MNAT1: variants seen among roughly 807,000 people sequenced by gnomAD.
The protein encoded by MNAT1 is MNAT1 component of CDK activating kinase.
In MNAT1, 43 loss-of-function variants were observed where a neutral mutation model predicts 42.0. The observed-to-expected ratio is 1.02, with a 90% confidence interval of 0.80 to 1.32. The LOEUF (loss-of-function observed/expected upper bound fraction) is 1.32. Ranked by LOEUF, MNAT1 falls within the 40% of genes most tolerant of loss-of-function variation. The probability of loss-of-function intolerance (pLI) is 0.00; values close to 1 mark genes in which losing one functional copy is unlikely to be tolerated. For missense variants in MNAT1, 306 were observed against 350.4 expected, an observed-to-expected ratio of 0.87 and a Z score of 1.01; for synonymous variants, 118 against 120.0, an observed-to-expected ratio of 0.98 and a Z score of 0.11.
At chr14:60,847,922 TA>T (rs991557153) in intron 6 of MNAT1, among the ~76,000 whole-genome samples, 6 of 152,084 alleles carry the variant, frequency 3.9e-5, no homozygotes, top group African/African-American at 7.2e-5. Context: ...CATACAGTTT[TA>T]CAGGTTTTTT....
intron 6 of MNAT1, among the ~76,000 whole-genome samples, chr14:60,840,463 T>C (rs945946601): frequency 3.9e-5 from 6 of 152,206 alleles, no homozygotes; most frequent in African/African-American, 1.4e-4. Context: ...ACCAGGGAAC[T>C]ACATTAGTAT....
Position 60,796,326 on chromosome 14 carries a change from A to G in MNAT1, c.199A>G (p.Thr67Ala). Residue 67 changes from threonine (T) to alanine (A), a missense_variant, in exon 2 of 8, where the codon ACT (threonine) becomes GCT (alanine). Physicochemically the swap from Thr to Ala is moderately conservative, Grantham distance 58. Coordinates refer to ENST00000261245, the MANE Select transcript of MNAT1 (RefSeq NM_002431.4). The part of the protein sequence containing the change: ...NFRVQLFEDP[T>A]VDKEVEIRKK... ...CAGGGTACAACTCTTTGAAGATCCC[A>G]CTGTTGACAAGGAGGTTGAGATCAG... The G allele has an allele frequency of 6.2e-7, 1 of 1,613,666 alleles. No individual in the cohort carries two copies. The highest frequency in any genetic ancestry group is 8.5e-7 in the Non-Finnish European group (1 of 1,179,714).
At chr14:60,823,218 C>G (rs1007131682) in intron 6 of MNAT1, among the ~76,000 whole-genome samples, 2 of 152,166 alleles carry the variant, frequency 1.3e-5, no homozygotes, top group Non-Finnish European at 2.9e-5. Context: ...AATTCTAAAA[C>G]TGAAAACTCA....
At chr14:60,952,344 T>C (rs1178357592) in intron 7 of MNAT1, among the ~76,000 whole-genome samples, 1 of 152,208 alleles carries the variant, frequency 6.6e-6, no homozygotes, top group Non-Finnish European at 1.5e-5. Flanking sequence ...GTGAGAGTCA[T>C]GCAGAGCTTT....
chr14:60,889,540 G>C (rs1383265067), intron 7 of MNAT1, among the ~76,000 whole-genome samples: 1 of 152,050 alleles, frequency 6.6e-6, no homozygotes, highest in Non-Finnish European at 1.5e-5. Flanking sequence ...CATAGGCATG[G>C]GCAAGGACTT....
intron 6 of MNAT1, among the ~76,000 whole-genome samples, chr14:60,858,402 G>A (rs1380896577): frequency 6.7e-6 from 1 of 149,242 alleles, no homozygotes; most frequent in Non-Finnish European, 1.5e-5. Flanking sequence ...CTTATCCTTT[G>A]CCCACTTTTT....
chr14:60,858,825 G>A (rs1402810567), intron 6 of MNAT1, among the ~76,000 whole-genome samples: 5 of 152,148 alleles, frequency 3.3e-5, no homozygotes, highest in Admixed American at 3.3e-4. Flanking sequence ...TAGTAATAAT[G>A]TATTTTACAT....
At chr14:60,747,188 G>A (rs987542609) in intron 1 of MNAT1, among the ~76,000 whole-genome samples, 1 of 151,628 alleles carries the variant, frequency 6.6e-6, no homozygotes, top group Admixed American at 6.6e-5. Flanking sequence ...GTTTCACCAT[G>A]TTAGCCAGGA....
chr14:60,799,710 A>G (rs2032141183), intron 3 of MNAT1, among the ~76,000 whole-genome samples: 1 of 151,638 alleles, frequency 6.6e-6, no homozygotes, highest in African/African-American at 2.4e-5. Context: ...ATATATATAT[A>G]TATATACACA....
intron 1 of MNAT1, among the ~76,000 whole-genome samples, chr14:60,736,840 GT>G: frequency 6.6e-6 from 1 of 152,016 alleles, no homozygotes; most frequent in Non-Finnish European, 1.5e-5. Context: ...TTAGTATTCT[GT>G]CACATAATAT....
chr14:60,752,925 C>T (rs1468155186), intron 1 of MNAT1, among the ~76,000 whole-genome samples: 9 of 152,142 alleles, frequency 5.9e-5, no homozygotes, highest in African/African-American at 1.2e-4. Flanking sequence ...CCACCATGCC[C>T]GACTAATTTT....
At chr14:60,845,495 G>GAT (rs895793756) in intron 6 of MNAT1, among the ~76,000 whole-genome samples, 21 of 151,948 alleles carry the variant, frequency 1.4e-4, no homozygotes, top group African/African-American at 4.8e-4. Flanking sequence ...AGATGTTGTT[G>GAT]ATCTAGTCAC....
chr14:60,886,698 T>G lies in MNAT1; in HGVS notation c.809+6863T>G, dbSNP rs566589718. Among the ~76,000 whole-genome samples, 3 of 152,192 alleles carry G rather than the reference T, an allele frequency of 2.0e-5. No individual in the cohort carries two copies. In the South Asian group the frequency reaches 6.2e-4, roughly 32 times the overall value. On this transcript the variant is annotated intron_variant, in intron 7 of 7. Coordinates refer to ENST00000261245, the MANE Select transcript of MNAT1 (RefSeq NM_002431.4). Reference sequence around the variant, plus strand: ...ACTTCACTATTAGTATAAAGAAATATAGCTGATTTTTGCATGTCTGTTTTC... The same window carrying G: ...ACTTCACTATTAGTATAAAGAAATAGAGCTGATTTTTGCATGTCTGTTTTC...
At chr14:60,759,085 T>C (rs552827059) in intron 1 of MNAT1, among the ~76,000 whole-genome samples, 47 of 152,338 alleles carry the variant, frequency 3.1e-4, no homozygotes, top group Non-Finnish European at 5.4e-4. Context: ...TTGAGGCAGC[T>C]GCTCATTGTC....
At chr14:60,750,266 G>A (rs1382428859) in intron 1 of MNAT1, among the ~76,000 whole-genome samples, 6 of 148,664 alleles carry the variant, frequency 4.0e-5, no homozygotes, top group Non-Finnish European at 8.9e-5. Context: ...TCGTTCTGTC[G>A]CCCAGGCTGG....
chr14:60,793,105 T>G (rs1434268168), intron 1 of MNAT1, among the ~76,000 whole-genome samples: 1 of 151,946 alleles, frequency 6.6e-6, no homozygotes, highest in Non-Finnish European at 1.5e-5. Context: ...TGCAGCCTCC[T>G]GAGTAGCTCC....
Sources: allele counts gnomAD v4.1 joint callset (sites outside exome capture counted in the v4.1 genomes callset), GRCh38; gene constraint gnomAD v4.1.1; transcripts MANE v1.5; gene names NCBI Gene and HGNC (gene_info 2026-07-23, HGNC 2026-07-21).